Variants in FUNDC1 observed in about 807,000 individuals in gnomAD.
FUNDC1 encodes the protein FUN14 domain containing 1, also known as FUN14 domain-containing protein 1.
FUNDC1 carries 10 observed loss-of-function variants against 14.5 expected under a neutral mutation model. The ratio of observed to expected loss-of-function variants is 0.69; its 90% CI spans 0.43 to 1.17. FUNDC1 has a LOEUF of 1.17. FUNDC1 is among the 50% of genes most tolerant of loss of function. FUNDC1 has a pLI of 0.00. For missense variants in FUNDC1, 115 were observed against 113.8 expected (o/e 1.01, Z -0.05); for synonymous variants, 33 against 39.7 (o/e 0.83, Z 0.64).
chrX:44,528,134 T>C (rs2038909350), intron 3 of FUNDC1, among the ~76,000 whole-genome samples: 1 of 112,199 alleles, frequency 8.9e-6, no homozygotes, highest in African/African-American at 3.2e-5. Context: ...ATATATACCA[T>C]TATAAATCAC....
intron 3 of FUNDC1, among the ~76,000 whole-genome samples, chrX:44,530,219 T>C (rs972372016): frequency 1.4e-4 from 16 of 112,164 alleles, no homozygotes; most frequent in African/African-American, 4.9e-4. Context: ...TTTTGAACAT[T>C]TGACTTCCTA....
intron 3 of FUNDC1, among the ~76,000 whole-genome samples, chrX:44,536,072 G>A (rs1285281386): frequency 9.1e-6 from 1 of 109,370 alleles, no homozygotes; most frequent in Non-Finnish European, 1.9e-5. Context: ...CCAGCACTTT[G>A]GGAGGCCGAG....
chrX:44,532,395 G>GAAAAAAAAAAAAAAAAAAA (rs746125483), intron 3 of FUNDC1, among the ~76,000 whole-genome samples: 1 of 39,429 alleles, frequency 2.5e-5, no homozygotes, highest in African/African-American at 8.0e-5. Flanking sequence ...CTCTGTCTCA[G>GAAAAAAAAAAAAAAAAAAA]AAAAAAAAAA....
intron 2 of FUNDC1, among the ~76,000 whole-genome samples, chrX:44,540,413 G>GTT (rs756832389): frequency 0.064 from 5,706 of 88,550 alleles, 174 homozygotes; most frequent in African/African-American, 0.17. Flanking sequence ...AAATGTGTGT[G>GTT]TTGTGTGTGT....
intron 3 of FUNDC1, among the ~76,000 whole-genome samples, chrX:44,537,634 A>T (rs1305546647): frequency 1.8e-5 from 2 of 112,096 alleles, no homozygotes; most frequent in African/African-American, 6.5e-5. Context: ...TTGTACTACA[A>T]CTACACTAGT....
intron 3 of FUNDC1, among the ~76,000 whole-genome samples, chrX:44,532,300 C>T (rs1296290085): frequency 3.8e-5 from 4 of 105,239 alleles, no homozygotes; most frequent in Non-Finnish European, 7.7e-5. Flanking sequence ...GGCTAAGGCA[C>T]GAGAAACACT....
At chrX:44,541,735 G>A (rs1443779171) in intron 2 of FUNDC1, among the ~76,000 whole-genome samples, 1 of 111,030 alleles carries the variant, frequency 9.0e-6, no homozygotes, top group Non-Finnish European at 1.9e-5. Context: ...AGGGAGAAGA[G>A]GAACAGTGGT....
chrX:44,531,783 C>T (rs2038926848), intron 3 of FUNDC1, among the ~76,000 whole-genome samples: 1 of 108,724 alleles, frequency 9.2e-6, no homozygotes, highest in South Asian at 4.0e-4. Flanking sequence ...CACACACACA[C>T]ACACACACAC....
intron 1 of FUNDC1, chrX:44,542,377 AG>A (rs2038975778): frequency 5.3e-6 from 2 of 375,056 alleles, no homozygotes; most frequent in Non-Finnish European, 9.2e-6. Flanking sequence ...CACAGTAGTG[AG>A]GGGTCACCCC....
chrX:44,531,318 ACACACACACAC>A (rs2038924273), intron 3 of FUNDC1, among the ~76,000 whole-genome samples: 4 of 26,111 alleles, frequency 1.5e-4, no homozygotes, highest in Admixed American at 7.2e-4. Flanking sequence ...TTGGCCAGAC[ACACACACACAC>A]ACACACACAC....
chrX:44,538,255 A>G (rs1386483218), intron 3 of FUNDC1, among the ~76,000 whole-genome samples: 1 of 112,697 alleles, frequency 8.9e-6, no homozygotes, highest in Non-Finnish European at 1.9e-5. Context: ...AAGTGCTGGG[A>G]TTACAGGCGT....
Position 44,527,280 on chromosome X carries a change from C to T in FUNDC1, c.347G>A (p.Arg116Gln), listed in dbSNP as rs201964391. 76 of 1,194,192 alleles carry T rather than the reference C, an allele frequency of 6.4e-5. No homozygotes were observed. Among genetic ancestry groups the T allele is most frequent in the Non-Finnish European group, 8.2e-5 (73 of 885,627 alleles). ...GATTTCAGGTGCTGCTTTGTTCGCT[C>T]GTTTCTTAATCTGTCTTTTTGCTTT... Reference protein sequence around the residue: ...VNKAKRQIKKRANKAAPEINN... With the variant: ...VNKAKRQIKKQANKAAPEINN... Residue 116 changes from arginine to glutamine, a missense_variant, in exon 4 of 5, where the codon CGA becomes CAA. Arg to Gln is a conservative substitution (Grantham distance 43). Transcript: ENST00000378045.
At chrX:44,526,592 GA>G (rs975658536) in intron 4 of FUNDC1, among the ~76,000 whole-genome samples, 3 of 109,995 alleles carry the variant, frequency 2.7e-5, no homozygotes, top group African/African-American at 9.9e-5. Context: ...AAATACTTTG[GA>G]AAAAAAATTA....
chrX:44,540,414 TTG>T (rs367975882), intron 2 of FUNDC1, among the ~76,000 whole-genome samples: 6,943 of 96,325 alleles, frequency 0.072, 572 homozygotes, highest in African/African-American at 0.26. Context: ...AATGTGTGTG[TTG>T]TGTGTGTGTG....
At chrX:44,528,664 A>T (rs2038910991) in intron 3 of FUNDC1, among the ~76,000 whole-genome samples, 1 of 113,011 alleles carries the variant, frequency 8.8e-6, no homozygotes, top group Admixed American at 9.4e-5. Flanking sequence ...TTATGTATGT[A>T]TATGGCTTTA....
rs768483161 is a variant in FUNDC1 at position 44,532,426 on chromosome X, G to C, written c.262-5061C>G. On this transcript the variant is annotated intron_variant, in intron 3 of 4. Coordinates refer to ENST00000378045, the MANE Select transcript of FUNDC1 (RefSeq NM_173794.4). ...AAAAAAAAAAAAAGGAACCCCAAGA[G>C]TACAGTATGAAAAGGGGGAAAAGCT... Among the ~76,000 whole-genome samples, 11 of 105,279 alleles carry C rather than the reference G, an allele frequency of 1.0e-4. No individual in the cohort carries two copies. The South Asian group carries it at 4.2e-3, about 41-fold the overall frequency. 91.4% of individuals were successfully genotyped at this position (105,279 alleles called of 115,157 possible).
intron 3 of FUNDC1, among the ~76,000 whole-genome samples, chrX:44,531,245 A>G (rs1435310698): frequency 1.6e-4 from 11 of 67,678 alleles, no homozygotes; most frequent in African/African-American, 9.7e-4. Flanking sequence ...TGTTTCCAGA[A>G]AAACACACAC....
At chrX:44,538,721 A>T (rs758516812) in intron 2 of FUNDC1, among the ~76,000 whole-genome samples, 179 bp from the exon 3 acceptor site, 1 of 111,931 alleles carries the variant, frequency 8.9e-6, no homozygotes, top group Non-Finnish European at 1.9e-5. Flanking sequence ...TCAAAAATGC[A>T]CAATCTAAAA....
rs192602192 is a variant in FUNDC1, at chrX:44,536,027, C to T, written c.261+2440G>A. Among the ~76,000 whole-genome samples the T allele has an allele frequency of 4.2e-3, 441 of 104,108 alleles. 1 individual carries two copies. Among genetic ancestry groups the T allele is most frequent in the African/African-American group, 0.015 (423 of 28,331 alleles). The allele number at this position is 104,108 out of a possible 115,157, so 90.4% of individuals were successfully genotyped here. On this transcript the variant is annotated intron_variant, in intron 3 of 4. Transcript: ENST00000378045. ...GAAGAAGAAAAGAAATAATCCCGGCCGCCCGTGGTGGCTCACGCCTGTAAT... is the reference window on the plus strand; with the variant it reads ...GAAGAAGAAAAGAAATAATCCCGGCTGCCCGTGGTGGCTCACGCCTGTAAT...
Sources: gnomAD v4.1 joint callset for allele counts (sites outside exome capture counted in the v4.1 genomes callset) on GRCh38, gnomAD v4.1.1 for gene constraint, MANE v1.5 for transcripts, NCBI Gene and HGNC (gene_info 2026-07-23, HGNC 2026-07-21) for gene names.